GRIA1: variants seen among roughly 807,000 people sequenced by gnomAD.
GRIA1 encodes the protein glutamate ionotropic receptor AMPA type subunit 1.
Under a neutral mutation model 99.2 loss-of-function variants are expected in GRIA1, and 31 were observed. That is an observed-to-expected ratio of 0.31 (90% CI 0.23 to 0.42). The LOEUF (loss-of-function observed/expected upper bound fraction) is 0.42. GRIA1 is among the 10% of genes least tolerant of loss of function. GRIA1 has a pLI of 1.00. For synonymous variants in GRIA1, 438 were observed against 432.4 expected, an observed-to-expected ratio of 1.01 and a Z score of -0.16; for missense variants, 782 against 1,157.5, an observed-to-expected ratio of 0.68 and a Z score of 4.71.
At chr5:153,662,822 G>GCAGAGA (rs891734127) in intron 5 of GRIA1, among the ~76,000 whole-genome samples, 4 of 152,296 alleles carry the variant, frequency 2.6e-5, no homozygotes, top group Non-Finnish European at 4.4e-5. Flanking sequence ...TGGGGCAGGA[G>GCAGAGA]CAGAGACAGA....
chr5:153,559,880 G>A (rs68009309), intron 2 of GRIA1, among the ~76,000 whole-genome samples: 19,990 of 151,940 alleles, frequency 0.13, 1,487 homozygotes, highest in South Asian at 0.25. Flanking sequence ...ACTTCCTTGA[G>A]TTCACTCCTT....
At chr5:153,734,613 A>G (rs1761256397) in intron 11 of GRIA1, among the ~76,000 whole-genome samples, 1 of 152,226 alleles carries the variant, frequency 6.6e-6, no homozygotes, top group African/African-American at 2.4e-5. Flanking sequence ...GATTTCAGTT[A>G]CTATCAGACA....
At chr5:153,797,648 G>T (rs1360639848) in intron 14 of GRIA1, among the ~76,000 whole-genome samples, 1 of 152,124 alleles carries the variant, frequency 6.6e-6, no homozygotes, top group Non-Finnish European at 1.5e-5. Flanking sequence ...CCAGTCCTTG[G>T]GTTCCCCTCT....
At chr5:153,538,996 C>T (rs942571970) in intron 2 of GRIA1, among the ~76,000 whole-genome samples, 1 of 152,138 alleles carries the variant, frequency 6.6e-6, no homozygotes, top group Non-Finnish European at 1.5e-5. Flanking sequence ...CAATATCTTC[C>T]TTGGAATGAC....
intron 8 of GRIA1, among the ~76,000 whole-genome samples, chr5:153,686,616 CAT>C (rs1472604271): frequency 6.6e-6 from 1 of 152,202 alleles, no homozygotes; most frequent in Non-Finnish European, 1.5e-5. Flanking sequence ...ACTTCTAAAA[CAT>C]AAAGTAATTG....
intron 2 of GRIA1, among the ~76,000 whole-genome samples, chr5:153,503,752 G>T (rs1755225942): frequency 6.6e-6 from 1 of 152,198 alleles, no homozygotes; most frequent in African/African-American, 2.4e-5. Context: ...ATTGTTTATA[G>T]AAATAAGGGG....
At chr5:153,514,383 G>A (rs757305680) in intron 2 of GRIA1, among the ~76,000 whole-genome samples, 5 of 152,250 alleles carry the variant, frequency 3.3e-5, no homozygotes, top group African/African-American at 7.2e-5. Context: ...ATGAGAAAAC[G>A]GTCCAATTCA....
chr5:153,704,749 C>A (rs1487028103), intron 10 of GRIA1, among the ~76,000 whole-genome samples: 1 of 152,182 alleles, frequency 6.6e-6, no homozygotes, highest in African/African-American at 2.4e-5. Flanking sequence ...TATGCCACCT[C>A]TTCCAAGATG....
chr5:153,604,225 G>A (rs1349442231), intron 2 of GRIA1, among the ~76,000 whole-genome samples: 1 of 151,968 alleles, frequency 6.6e-6, no homozygotes, highest in African/African-American at 2.4e-5. Context: ...AAATAAAGTG[G>A]GTGACCCCTA....
At chr5:153,607,694 G>A (rs943409721) in intron 2 of GRIA1, among the ~76,000 whole-genome samples, 3 of 152,006 alleles carry the variant, frequency 2.0e-5, no homozygotes, top group Non-Finnish European at 4.4e-5. Context: ...TTCCCAGATG[G>A]TACAAAGACC....
chr5:153,522,321 T>C (rs1054049370), intron 2 of GRIA1, among the ~76,000 whole-genome samples: 1 of 152,244 alleles, frequency 6.6e-6, no homozygotes. Context: ...TTATTATTGA[T>C]ATTTAAAATG....
intron 2 of GRIA1, among the ~76,000 whole-genome samples, chr5:153,614,387 A>T (rs1358001544): frequency 1.3e-5 from 2 of 152,210 alleles, no homozygotes; most frequent in African/African-American, 4.8e-5. Context: ...AACATCTGTT[A>T]AAAACTTGCT....
chr5:153,635,564 G>A lies in GRIA1; in HGVS notation c.221-11364G>A, dbSNP rs186413174. The stretch of plus-strand genomic sequence containing the variant: ...TGAGGCTGAGTGAACACTCACTCCA[G>A]CCTTGGACTGTAGCCTTTACTGTGG... On this transcript the variant is annotated intron_variant, in intron 2 of 15. Transcript: ENST00000285900. 7.9e-5 allele frequency among the ~76,000 whole-genome samples: 12 copies of A among 152,298 alleles called. No individual in the cohort carries two copies. The East Asian group carries it at 2.3e-3, about 29-fold the overall frequency.
In GRIA1 at chr5:153,677,060, C is replaced by G; in HGVS notation, c.928C>G (p.Gln310Glu). 1 of 1,582,814 alleles carries G rather than the reference C, an allele frequency of 6.3e-7. No homozygotes were observed. The highest frequency in any genetic ancestry group is 8.6e-7 in the Non-Finnish European group (1 of 1,161,648). Residue 310 changes from glutamine to glutamate, a missense_variant, in exon 7 of 16, where the codon CAG becomes GAG. Physicochemically the swap from Gln to Glu is conservative, Grantham distance 29. Transcript: ENST00000285900. ...MAEAFQSLRR[Q>E]RIDISRRGNA... ...TGAGGCTTTCCAGAGCCTGCGGAGG[C>G]AGAGAATTGATATATCTCGCCGGGG...
At chr5:153,530,807 G>A (rs1370434454) in intron 2 of GRIA1, among the ~76,000 whole-genome samples, 3 of 152,184 alleles carry the variant, frequency 2.0e-5, no homozygotes, top group Non-Finnish European at 4.4e-5. Context: ...GGACTTGGAA[G>A]TAACTTGATC....
At chr5:153,613,789 C>A (rs1581331943) in intron 2 of GRIA1, among the ~76,000 whole-genome samples, 1 of 152,070 alleles carries the variant, frequency 6.6e-6, no homozygotes, top group Non-Finnish European at 1.5e-5. Flanking sequence ...TTACATAATC[C>A]GTTCACTTTA....
intron 12 of GRIA1, among the ~76,000 whole-genome samples, chr5:153,766,776 A>G (rs1455752394): frequency 6.6e-6 from 1 of 152,224 alleles, no homozygotes; most frequent in East Asian, 1.9e-4. Flanking sequence ...TGAGGCCCAG[A>G]GAAGAAAATG....
At chr5:153,547,919 G>A (rs1391998328) in intron 2 of GRIA1, among the ~76,000 whole-genome samples, 1 of 152,110 alleles carries the variant, frequency 6.6e-6, no homozygotes, top group Non-Finnish European at 1.5e-5. Flanking sequence ...CTAGGTATAG[G>A]TCAGATATAA....
chr5:153,771,797 G>T (rs979351268), intron 13 of GRIA1, among the ~76,000 whole-genome samples: 1 of 151,992 alleles, frequency 6.6e-6, no homozygotes, highest in African/African-American at 2.4e-5. Flanking sequence ...CTGGGACTAC[G>T]CTAAGCAAGG....
Sources: gnomAD v4.1 joint callset for allele counts (sites outside exome capture counted in the v4.1 genomes callset) on GRCh38, gnomAD v4.1.1 for gene constraint, MANE v1.5 for transcripts, NCBI Gene and HGNC (gene_info 2026-07-23, HGNC 2026-07-21) for gene names.